ADAP1: variants seen among roughly 807,000 people sequenced by gnomAD.
The protein encoded by ADAP1 is arf-GAP with dual PH domain-containing protein 1.
Under a neutral mutation model 54.9 loss-of-function variants are expected in ADAP1, and 31 were observed. That is an observed-to-expected ratio of 0.56 (90% CI 0.42 to 0.76). The LOEUF (loss-of-function observed/expected upper bound fraction) is 0.76. Among genes scored for constraint, ADAP1 ranks in the 30% least tolerant of loss-of-function variants. The probability of loss-of-function intolerance (pLI) is 0.00; values close to 1 mark genes in which losing one functional copy is unlikely to be tolerated. For synonymous variants in ADAP1, 313 were observed against 202.6 expected, an observed-to-expected ratio of 1.55 and a Z score of -4.63; for missense variants, 535 against 512.4, an observed-to-expected ratio of 1.04 and a Z score of -0.42.
rs199707582 is a variant in ADAP1, at chr7:904,281, G to C, written c.502-9C>G. ...GCCTTGGGCTCCTTGGCCTGAGAAG[G>C]GGTGGGGTCTAAGCACCTCACAGGG... is the stretch of plus-strand genomic sequence containing the variant. On this transcript the variant is annotated splice_polypyrimidine_tract_variant and intron_variant, in intron 5 of 10. Transcript: ENST00000265846. 1 of 1,581,480 alleles carries C rather than the reference G, an allele frequency of 6.3e-7. No individual in the cohort carries two copies. The highest frequency in any genetic ancestry group is 1.2e-5 in the South Asian group (1 of 85,950).
At chr7:909,078 A>G (rs1368595822) in intron 4 of ADAP1, among the ~76,000 whole-genome samples, 1 of 152,118 alleles carries the variant, frequency 6.6e-6, no homozygotes, top group Non-Finnish European at 1.5e-5. Context: ...GCACGCGCGC[A>G]GCTGCTCCGG....
chr7:904,510 A>G (rs1300366258), intron 5 of ADAP1, among the ~76,000 whole-genome samples: 6 of 152,218 alleles, frequency 3.9e-5, no homozygotes, highest in African/African-American at 1.4e-4. Context: ...GACATCAGAC[A>G]CTGCACCTCC....
intron 1 of ADAP1, among the ~76,000 whole-genome samples, chr7:937,556 G>A (rs377092832): frequency 6.1e-5 from 3 of 48,984 alleles, no homozygotes; most frequent in Admixed American, 2.0e-4. Flanking sequence ...GTCACGCCCG[G>A]CCTCTGGGAT....
intron 1 of ADAP1, among the ~76,000 whole-genome samples, chr7:939,554 C>T (rs982370381): frequency 3.4e-5 from 5 of 146,284 alleles, no homozygotes; most frequent in East Asian, 2.5e-4. Context: ...TTGCTGGCTG[C>T]GTGTGGTGGC....
intron 2 of ADAP1, among the ~76,000 whole-genome samples, chr7:931,640 G>A (rs900726634): frequency 1.1e-4 from 16 of 152,128 alleles, no homozygotes; most frequent in Non-Finnish European, 1.8e-4. Flanking sequence ...TGGCTTCAGC[G>A]AAGGTTGCAC....
intron 2 of ADAP1, among the ~76,000 whole-genome samples, chr7:929,307 A>G (rs1846490127): frequency 6.6e-6 from 1 of 151,472 alleles, no homozygotes; most frequent in Non-Finnish European, 1.5e-5. Flanking sequence ...AAAAAAAAAA[A>G]GAGCAACACA....
intron 3 of ADAP1, among the ~76,000 whole-genome samples, chr7:921,735 C>T (rs1349787382): frequency 1.3e-5 from 2 of 152,238 alleles, no homozygotes; most frequent in Admixed American, 1.3e-4. Context: ...GGAGTTGCCC[C>T]CTAGCACCCA....
chr7:921,869 C>T (rs1012517433), intron 3 of ADAP1, among the ~76,000 whole-genome samples: 6 of 152,178 alleles, frequency 3.9e-5, no homozygotes, highest in East Asian at 1.9e-4. Flanking sequence ...TTGACAACCA[C>T]GCCTGCCAAC....
intron 1 of ADAP1, among the ~76,000 whole-genome samples, chr7:951,283 G>C (rs1051595821): frequency 2.0e-5 from 3 of 151,766 alleles, no homozygotes; most frequent in Admixed American, 2.0e-4. Flanking sequence ...TGAGGCAGGA[G>C]AATGGTGTGA....
At chr7:913,448 G>C (rs898303803) in intron 4 of ADAP1, among the ~76,000 whole-genome samples, 5 of 151,958 alleles carry the variant, frequency 3.3e-5, no homozygotes, top group African/African-American at 1.2e-4. Context: ...TGATCCGCCT[G>C]CCTCAGCCTC....
intron 3 of ADAP1, among the ~76,000 whole-genome samples, chr7:921,150 C>A (rs1846178994): frequency 1.3e-5 from 2 of 152,204 alleles, no homozygotes; most frequent in Admixed American, 1.3e-4. Flanking sequence ...CCGAGCTGGT[C>A]CCTCCAGGTG....
chr7:954,615 G>A lies in ADAP1; in HGVS notation c.-138C>T. On this transcript the variant is annotated 5_prime_UTR_variant, in exon 1 of 11. Transcript: ENST00000265846. ...CGGCCTCAGCCCGCGCGCCGGTTCC[G>A]CATTCCCGCCGCCCTCTGGGCTCCG... The A allele has an allele frequency of 3.1e-6, 3 of 982,398 alleles. No individual in the cohort carries two copies. Among genetic ancestry groups the A allele is most frequent in the Non-Finnish European group, 3.6e-6 (3 of 829,034 alleles). 60.9% of individuals were successfully genotyped at this position (982,398 alleles called of 1,614,324 possible).
At chr7:940,781 A>G (rs1242889382) in intron 1 of ADAP1, among the ~76,000 whole-genome samples, 1 of 152,254 alleles carries the variant, frequency 6.6e-6, no homozygotes, top group Non-Finnish European at 1.5e-5. Flanking sequence ...ACCATGATCA[A>G]CAGGGGTTTT....
At chr7:944,382 G>A (rs970123358) in intron 1 of ADAP1, among the ~76,000 whole-genome samples, 10 of 150,734 alleles carry the variant, frequency 6.6e-5, no homozygotes, top group African/African-American at 1.7e-4. Flanking sequence ...AGCCTCCCAA[G>A]TAGCTGGGAT....
Position 938,198 on chromosome 7 carries a change from G to A in ADAP1, c.83-2693C>T, listed in dbSNP as rs1846838056. ...TATTGTATTGTTTTGTTTTGAGACAGGGTCTTGCCCTGTTGCCCAAGGTGG... is the reference window on the plus strand; with the variant it reads ...TATTGTATTGTTTTGTTTTGAGACAAGGTCTTGCCCTGTTGCCCAAGGTGG... On this transcript the variant is annotated intron_variant, in intron 1 of 10. Transcript: ENST00000265846. This position sits in a 1 kb window ranked among gnomAD's most constrained non-coding sequence, Gnocchi z 4.4. Among the ~76,000 whole-genome samples the A allele has an allele frequency of 6.6e-6, 1 of 152,116 alleles. No individual in the cohort carries two copies. The highest frequency in any genetic ancestry group is 6.6e-5 in the Admixed American group (1 of 15,264).
chr7:898,385 G>A lies in ADAP1; in HGVS notation c.*536C>T, dbSNP rs188656075. ...GGCAACTCCAGCCCGGGCAGGGGCC[G>A]GGACCTGTGTGGATAATCCACCCAA... On this transcript the variant is annotated 3_prime_UTR_variant, in exon 11 of 11. Coordinates refer to ENST00000265846, the MANE Select transcript of ADAP1 (RefSeq NM_006869.4). 9.5e-5 allele frequency: 17 copies of A among 179,044 alleles called. No homozygotes were observed. Among genetic ancestry groups the A allele is most frequent in the Admixed American group, 7.6e-4 (14 of 18,524 alleles). The allele number at this position is 179,044 out of a possible 1,614,324, so 11.1% of individuals were successfully genotyped here.
At chr7:917,397 G>A (rs1229445524) in intron 4 of ADAP1, among the ~76,000 whole-genome samples, 1 of 152,096 alleles carries the variant, frequency 6.6e-6, no homozygotes, top group Non-Finnish European at 1.5e-5. Flanking sequence ...TGGAGCACTG[G>A]GGGTCAGGGG....
rs535209057 is a variant in ADAP1, at chr7:903,450, A to C, written c.648+676T>G. ...CAACGGGGGTTAGGAGGGACCTCAA[A>C]CTTCTGTTTCTCAAGATTTAGGAAC... On this transcript the variant is annotated intron_variant, in intron 6 of 10. Transcript: ENST00000265846. 3.9e-5 allele frequency among the ~76,000 whole-genome samples: 6 copies of C among 152,242 alleles called. No homozygotes were observed. The South Asian group carries it at 1.0e-3, about 26-fold the overall frequency.
intron 8 of ADAP1, 57 bp downstream of exon 8, chr7:900,045 C>A: frequency 1.3e-6 from 2 of 1,599,200 alleles, no homozygotes; most frequent in Non-Finnish European, 8.6e-7. Context: ...CACTTCAGTC[C>A]GAGACCCACC....
Sources: gnomAD v4.1 joint callset for allele counts (sites outside exome capture counted in the v4.1 genomes callset) on GRCh38, gnomAD v4.1.1 for gene constraint, Gnocchi (gnomAD v3.1) non-coding constraint, MANE v1.5 for transcripts, NCBI Gene and HGNC (gene_info 2026-07-23, HGNC 2026-07-21) for gene names.